The following RBPMS2 variants were observed in gnomAD, a reference collection of about 807,000 sequenced individuals.
RBPMS2 encodes the protein RNA binding protein, mRNA processing factor 2.
Under a neutral mutation model 25.7 loss-of-function variants are expected in RBPMS2, and 14 were observed. The observed-to-expected ratio is 0.55, with a 90% CI of 0.36 to 0.85. RBPMS2 has a LOEUF of 0.85. RBPMS2 is among the 40% of genes least tolerant of loss of function. RBPMS2 has a pLI of 0.01. For synonymous variants in RBPMS2, 127 were observed against 115.6 expected, an observed-to-expected ratio of 1.10 and a Z score of -0.63; for missense variants, 252 against 283.4, an observed-to-expected ratio of 0.89 and a Z score of 0.80.
chr15:64,749,012 C>A lies in RBPMS2; in HGVS notation c.406G>T (p.Ala136Ser), dbSNP rs188576967. 5 of 1,614,124 alleles carry A rather than the reference C, an allele frequency of 3.1e-6. No individual in the cohort carries two copies. The highest frequency in any genetic ancestry group is 1.6e-4 in the Middle Eastern group (1 of 6,062). The change falls in exon 5 of 8, where the codon GCA becomes TCA. Residue 136 changes from alanine to serine, a missense_variant. Physicochemically the swap from Ala to Ser is moderately conservative, Grantham distance 99. Transcript: ENST00000300069. ...VHPALGAHFI[A>S]RDPYDLMGAA... ...GAGTGCCACTCACAGGGGTCCCGTGCGATGAAGTGTGCTCCTAGGGCGGGG... is the reference window on the plus strand; with the variant it reads ...GAGTGCCACTCACAGGGGTCCCGTGAGATGAAGTGTGCTCCTAGGGCGGGG...
Position 64,757,258 on chromosome 15 carries a change from C to T in RBPMS2, c.88-5620G>A, listed in dbSNP as rs74328384. Reference sequence around the variant, plus strand: ...AAAGTGGTGGAATTACAGGTATGAGCCACCATGCCTGGCCTCAGTTTCATC... The same window carrying T: ...AAAGTGGTGGAATTACAGGTATGAGTCACCATGCCTGGCCTCAGTTTCATC... On this transcript the variant is annotated intron_variant, in intron 1 of 7. Coordinates refer to ENST00000300069, the MANE Select transcript of RBPMS2 (RefSeq NM_194272.3). 6.2e-3 allele frequency among the ~76,000 whole-genome samples: 940 copies of T among 152,210 alleles called. 12 individuals carry two copies. Among genetic ancestry groups the T allele is most frequent in the African/African-American group, 0.022 (898 of 41,528 alleles).
intron 1 of RBPMS2, among the ~76,000 whole-genome samples, chr15:64,762,147 A>C (rs557993686): frequency 6.6e-6 from 1 of 152,304 alleles, no homozygotes; most frequent in South Asian, 2.1e-4. Flanking sequence ...CTCATGAACA[A>C]AGAGGACAGA....
chr15:64,755,190 G>A (rs1040484899), intron 1 of RBPMS2, among the ~76,000 whole-genome samples: 2 of 152,206 alleles, frequency 1.3e-5, no homozygotes, highest in African/African-American at 2.4e-5. Context: ...CTCGTTTCCA[G>A]CCAGGATTCC....
chr15:64,767,203 G>A (rs901501412), intron 1 of RBPMS2, among the ~76,000 whole-genome samples: 10 of 151,848 alleles, frequency 6.6e-5, no homozygotes, highest in African/African-American at 2.2e-4. Flanking sequence ...GGGCTCAAGC[G>A]ATCCTCCTAC....
chr15:64,751,048 A>G (rs1312884090), intron 2 of RBPMS2, among the ~76,000 whole-genome samples: 1 of 137,832 alleles, frequency 7.3e-6, no homozygotes, highest in East Asian at 2.3e-4. Flanking sequence ...CAAAACAAAC[A>G]AAAAGGACAA....
At chr15:64,745,302 C>T (rs901353343) in intron 6 of RBPMS2, among the ~76,000 whole-genome samples, 1 of 152,024 alleles carries the variant, frequency 6.6e-6, no homozygotes, top group Non-Finnish European at 1.5e-5. Context: ...TCCATAAATG[C>T]AGATATGCTA....
chr15:64,759,813 C>T (rs2083766434), intron 1 of RBPMS2, among the ~76,000 whole-genome samples: 1 of 152,188 alleles, frequency 6.6e-6, no homozygotes, highest in South Asian at 2.1e-4. Flanking sequence ...GCTATGACTA[C>T]AGGAGCGCGC....
chr15:64,744,876 G>A (rs1246077440), intron 6 of RBPMS2, among the ~76,000 whole-genome samples: 5 of 116,010 alleles, frequency 4.3e-5, no homozygotes, highest in Admixed American at 2.6e-4. Flanking sequence ...GTGCAGTGGC[G>A]CGATCTTGGC....
intron 1 of RBPMS2, among the ~76,000 whole-genome samples, chr15:64,764,272 A>G (rs2083820958): frequency 6.6e-6 from 1 of 152,156 alleles, no homozygotes; most frequent in African/African-American, 2.4e-5. Context: ...CGCCACTGCC[A>G]TACAATACCC....
chr15:64,748,434 GGCGGCA>G lies in RBPMS2; in HGVS notation c.546_551del (p.Ala184_Ala185del). 20 of 1,614,018 alleles carry G rather than the reference GGCGGCA, an allele frequency of 1.2e-5. No individual in the cohort carries two copies. The highest frequency in any genetic ancestry group is 1.7e-5 in the Non-Finnish European group (20 of 1,180,000). ...AAGGGCTTACCTGAGCGTGGAGGGC[GGCGGCA>G]GCGGCAGTGGCAGTTGGGTAGGTGA... On this transcript the variant is annotated inframe_deletion, in exon 6 of 8. Transcript: ENST00000300069.
At chr15:64,763,477 G>A (rs1160409511) in intron 1 of RBPMS2, among the ~76,000 whole-genome samples, 1 of 152,158 alleles carries the variant, frequency 6.6e-6, no homozygotes, top group Non-Finnish European at 1.5e-5. Flanking sequence ...CAAGTCCCAG[G>A]TTCAGGTGGG....
intron 1 of RBPMS2, among the ~76,000 whole-genome samples, chr15:64,759,514 C>T (rs1431643835): frequency 2.0e-5 from 3 of 152,108 alleles, no homozygotes; most frequent in South Asian, 2.1e-4. Context: ...ATCTACGTGT[C>T]GGTGATGTTC....
At chr15:64,743,916 C>A (rs1202653552) in intron 6 of RBPMS2, among the ~76,000 whole-genome samples, 1 of 151,974 alleles carries the variant, frequency 6.6e-6, no homozygotes, top group African/African-American at 2.4e-5. Flanking sequence ...ACCAGCATGG[C>A]CACCATTACG....
In RBPMS2 at chr15:64,740,531, C is replaced by G. The variant is rs984395068; in HGVS notation, c.*477G>C. On this transcript the variant is annotated 3_prime_UTR_variant, in exon 8 of 8. Coordinates refer to ENST00000300069, the MANE Select transcript of RBPMS2 (RefSeq NM_194272.3). ...AAGCGGGGTGGGTGCAGGGGCGGGGCGAGGAGAGAGGGGCAGGCAGGATGA... is the reference window on the plus strand; with the variant it reads ...AAGCGGGGTGGGTGCAGGGGCGGGGGGAGGAGAGAGGGGCAGGCAGGATGA... 1 of 148,432 alleles carries G rather than the reference C, an allele frequency of 6.7e-6. No individual in the cohort carries two copies. The highest frequency in any genetic ancestry group is 1.5e-5 in the Non-Finnish European group (1 of 67,300). 9.2% of individuals were successfully genotyped at this position (148,432 alleles called of 1,614,324 possible).
intron 1 of RBPMS2, among the ~76,000 whole-genome samples, chr15:64,767,449 T>C (rs2083857007): frequency 6.6e-6 from 1 of 152,112 alleles, no homozygotes; most frequent in Non-Finnish European, 1.5e-5. Context: ...TGTAGTTCAG[T>C]TCTGGGTAAT....
At chr15:64,769,308 C>A (rs2083874450) in intron 1 of RBPMS2, among the ~76,000 whole-genome samples, 1 of 151,000 alleles carries the variant, frequency 6.6e-6, no homozygotes, top group South Asian at 2.1e-4. Flanking sequence ...GCCTATAATC[C>A]CCCTACTTGG....
rs1348909035 is a variant in RBPMS2 at position 64,748,466 on chromosome 15, A to G, written c.520T>C (p.Phe174Leu). The part of the protein sequence containing the change: ...ELTPAISHAA[F>L]TYPTATAAAA... Reference sequence around the variant, plus strand: ...GCGGCAGTGGCAGTTGGGTAGGTGAACGCAGCATGGGAGATGGCTGGGGTC... The same window carrying G: ...GCGGCAGTGGCAGTTGGGTAGGTGAGCGCAGCATGGGAGATGGCTGGGGTC... Residue 174 changes from phenylalanine to leucine, a missense_variant, in exon 6 of 8, where the codon TTC becomes CTC. Physicochemically the swap from Phe to Leu is conservative, Grantham distance 22. Transcript: ENST00000300069. 1 of 1,614,088 alleles carries G rather than the reference A, an allele frequency of 6.2e-7. No homozygotes were observed. Among genetic ancestry groups the G allele is most frequent in the Admixed American group, 1.7e-5 (1 of 60,016 alleles).
intron 3 of RBPMS2, among the ~76,000 whole-genome samples, chr15:64,749,748 A>T (rs1401922487): frequency 6.6e-6 from 1 of 151,820 alleles, no homozygotes; most frequent in African/African-American, 2.4e-5. Context: ...AACAGAGCTT[A>T]ATTCCACTGA....
intron 1 of RBPMS2, among the ~76,000 whole-genome samples, chr15:64,759,303 T>C (rs565324138): frequency 6.6e-6 from 1 of 152,326 alleles, no homozygotes; most frequent in East Asian, 1.9e-4. Context: ...GAGGAGCTTT[T>C]GGACCATGCT....
Sources: gnomAD v4.1 joint callset for allele counts (sites outside exome capture counted in the v4.1 genomes callset) on GRCh38, gnomAD v4.1.1 for gene constraint, MANE v1.5 for transcripts, NCBI Gene and HGNC (gene_info 2026-07-23, HGNC 2026-07-21) for gene names.